Variants in SPATA13 observed in about 807,000 individuals in gnomAD.
SPATA13 encodes spermatogenesis-associated protein 13.
Under a neutral mutation model 104.0 loss-of-function variants are expected in SPATA13, and 50 were observed. That is an observed-to-expected ratio of 0.48 (90% CI 0.38 to 0.61). The LOEUF (loss-of-function observed/expected upper bound fraction) is 0.61. Among genes scored for constraint, SPATA13 ranks in the 20% least tolerant of loss-of-function variants. The pLI, the probability that SPATA13 is intolerant of heterozygous loss-of-function variation, is 0.00. For missense variants in SPATA13, 1,524 were observed against 1,690.6 expected (o/e 0.90, Z 1.73); for synonymous variants, 606 against 667.5 (o/e 0.91, Z 1.42).
intron 3 of SPATA13, chr13:24,033,869 A>G (rs1426368238): frequency 1.3e-5 from 2 of 152,224 alleles, no homozygotes; most frequent in East Asian, 3.9e-4. Context: ...TTTGGCTATT[A>G]GAGCTTATTT....
chr13:24,125,295 C>G (rs1881173454), intron 3 of SPATA13, among the ~76,000 whole-genome samples: 1 of 152,192 alleles, frequency 6.6e-6, no homozygotes, highest in Admixed American at 6.5e-5. Context: ...GGAGGAGCCC[C>G]TTGACTTAGA....
intron 3 of SPATA13, chr13:24,123,253 C>T (rs1254248584): frequency 6.2e-7 from 1 of 1,602,744 alleles, no homozygotes; most frequent in Non-Finnish European, 8.5e-7. Context: ...ATGGCAGCTT[C>T]CACTTTCACA....
chr13:24,290,042 G>T (rs116952012), intron 8 of SPATA13, among the ~76,000 whole-genome samples: 1 of 152,186 alleles, frequency 6.6e-6, no homozygotes, highest in South Asian at 2.1e-4. Context: ...TCCTTGTGTG[G>T]CCTGTGCAGA....
chr13:23,985,030 C>T (rs376147192), intron 2 of SPATA13, among the ~76,000 whole-genome samples: 1 of 152,204 alleles, frequency 6.6e-6, no homozygotes, highest in Non-Finnish European at 1.5e-5. Flanking sequence ...TCAAAATGCT[C>T]ACCTCAGACG....
rs540658363 is a variant in SPATA13, at chr13:24,257,778, A to G, written c.2164+5916A>G. 1.1e-4 allele frequency among the ~76,000 whole-genome samples: 17 copies of G among 152,180 alleles called. No homozygotes were observed. The South Asian group carries it at 3.5e-3, about 32-fold the overall frequency. ...CAGGTTGTAAAACTAAATCATAACC[A>G]CCTATCCACATTTTTCATTAGGAAA... On this transcript the variant is annotated intron_variant, in intron 4 of 12. Coordinates refer to ENST00000382108, the MANE Select transcript of SPATA13 (RefSeq NM_001166271.3).
intron 2 of SPATA13, among the ~76,000 whole-genome samples, chr13:24,246,822 C>T (rs1873166006): frequency 6.6e-6 from 1 of 151,898 alleles, no homozygotes; most frequent in South Asian, 2.1e-4. Flanking sequence ...GAGATCACAC[C>T]ACTGCACTCC....
At chr13:24,249,430 A>G (rs763777659) in intron 2 of SPATA13, 47 bp from the exon 3 acceptor site, 1 of 1,463,488 alleles carries the variant, frequency 6.8e-7, no homozygotes, top group African/African-American at 1.4e-5. Context: ...TCTTTCTTTA[A>G]TACCTTCCTG....
intron 4 of SPATA13, among the ~76,000 whole-genome samples, chr13:24,278,980 CCCTCCCTCCCTCCCTT>C (rs375401395): frequency 0.079 from 10,984 of 138,612 alleles, 526 homozygotes; most frequent in African/African-American, 0.094. Context: ...TTCCCTCCCT[CCCTCCCTCCCTCCCTT>C]CCTTCCTTCC....
At chr13:24,013,544 T>TA (rs1876573053) in intron 2 of SPATA13, among the ~76,000 whole-genome samples, 1 of 152,218 alleles carries the variant, frequency 6.6e-6, no homozygotes, top group Non-Finnish European at 1.5e-5. Context: ...GCCCTTATCC[T>TA]AAAAAGGTAC....
intron 1 of SPATA13, among the ~76,000 whole-genome samples, chr13:24,198,281 C>T (rs950796900): frequency 3.3e-5 from 5 of 152,182 alleles, no homozygotes; most frequent in African/African-American, 9.7e-5. Flanking sequence ...GCGTGAGCCA[C>T]CGCACCGAGC....
intron 2 of SPATA13, among the ~76,000 whole-genome samples, chr13:24,016,609 C>T (rs910564640): frequency 2.6e-5 from 4 of 152,208 alleles, no homozygotes; most frequent in South Asian, 2.1e-4. Flanking sequence ...GTCCAGGGCC[C>T]GGGCATGGCC....
At chr13:24,196,034 G>T (rs551021093) in intron 1 of SPATA13, among the ~76,000 whole-genome samples, 1 of 152,058 alleles carries the variant, frequency 6.6e-6, no homozygotes, top group Non-Finnish European at 1.5e-5. Flanking sequence ...CTTGATTTTT[G>T]TGCCTTAATT....
chr13:24,270,983 A>C (rs1874555071), intron 4 of SPATA13: 2 of 1,115,730 alleles, frequency 1.8e-6, no homozygotes, highest in African/African-American at 3.1e-5. Flanking sequence ...CCCAAGTTGC[A>C]GTTCTTCCCC....
At chr13:24,225,854 G>C (rs1871903462) in intron 2 of SPATA13, among the ~76,000 whole-genome samples, 1 of 152,176 alleles carries the variant, frequency 6.6e-6, no homozygotes, top group Admixed American at 6.5e-5. Flanking sequence ...CCTGCAGCTG[G>C]GCGAGCCATC....
At chr13:24,216,492 C>T (rs1456983209) in intron 1 of SPATA13, among the ~76,000 whole-genome samples, 2 of 152,160 alleles carry the variant, frequency 1.3e-5, no homozygotes, top group African/African-American at 4.8e-5. Flanking sequence ...TTGCATTTGT[C>T]CATATACTTT....
chr13:24,122,810 T>C (rs1435769516), intron 3 of SPATA13: 1 of 776,390 alleles, frequency 1.3e-6, no homozygotes, highest in East Asian at 2.4e-5. Flanking sequence ...CTCGTTGTCA[T>C]GTCAAACTGT....
At chr13:24,243,252 C>T (rs1306400211) in intron 2 of SPATA13, among the ~76,000 whole-genome samples, 5 of 152,166 alleles carry the variant, frequency 3.3e-5, no homozygotes, top group African/African-American at 1.2e-4. Context: ...CGTTACGGCT[C>T]TTTTAAATCA....
chr13:24,290,944 T>A, intron 9 of SPATA13, 60 bp downstream of exon 9: 1 of 1,378,286 alleles, frequency 7.3e-7, no homozygotes, highest in Non-Finnish European at 1.0e-6. Flanking sequence ...CGTAGGCAGC[T>A]CTTAACTCCA....
chr13:24,003,386 T>G (rs1421807868), intron 2 of SPATA13, among the ~76,000 whole-genome samples: 1 of 152,184 alleles, frequency 6.6e-6, no homozygotes, highest in African/African-American at 2.4e-5. Flanking sequence ...GTAAAAAGAT[T>G]GAGAATTCAA....
Sources: gnomAD v4.1 joint callset for allele counts (sites outside exome capture counted in the v4.1 genomes callset) on GRCh38, gnomAD v4.1.1 for gene constraint, MANE v1.5 for transcripts, NCBI Gene and HGNC (gene_info 2026-07-23, HGNC 2026-07-21) for gene names.